ANKRD28: variants seen among roughly 807,000 people sequenced by gnomAD.
ANKRD28 encodes ankyrin repeat domain 28, also known as serine/threonine-protein phosphatase 6 regulatory ankyrin repeat subunit A.
A neutral mutation model predicts 126.5 loss-of-function variants in ANKRD28; 44 were observed. That is an observed-to-expected ratio of 0.35 (90% CI 0.27 to 0.45). The LOEUF (loss-of-function observed/expected upper bound fraction) is 0.45, where lower values mean the gene tolerates loss of function less well. Ranked by LOEUF, ANKRD28 falls within the 20% of genes least tolerant of loss-of-function variation. The probability of loss-of-function intolerance (pLI) is 1.00; values close to 1 mark genes in which losing one functional copy is unlikely to be tolerated. For synonymous variants in ANKRD28, 442 were observed against 468.5 expected, an observed-to-expected ratio of 0.94 and a Z score of 0.73; for missense variants, 1,110 against 1,316.6, an observed-to-expected ratio of 0.84 and a Z score of 2.43.
chr3:15,831,296 CT>C (rs1173918806), intron 1 of ANKRD28, among the ~76,000 whole-genome samples: 7 of 152,220 alleles, frequency 4.6e-5, no homozygotes, highest in African/African-American at 1.4e-4. Flanking sequence ...ACACAAGACA[CT>C]GTTTTGCCCA....
chr3:15,840,341 C>A (rs531412578), intron 1 of ANKRD28, among the ~76,000 whole-genome samples: 1 of 152,104 alleles, frequency 6.6e-6, no homozygotes, highest in East Asian at 1.9e-4. Context: ...AAATGAAAGA[C>A]CTCTACAATG....
At chr3:15,717,949 G>A (rs1462865375) in intron 8 of ANKRD28, among the ~76,000 whole-genome samples, 1 of 152,174 alleles carries the variant, frequency 6.6e-6, no homozygotes, top group South Asian at 2.1e-4. Context: ...AATGGAGAAT[G>A]TAGTAGGAGG....
In ANKRD28 at chr3:15,696,251, TACA is replaced by T. The variant is rs145970527; in HGVS notation, c.1548-9_1548-7del. On this transcript the variant is annotated splice_region_variant and splice_polypyrimidine_tract_variant and intron_variant, in intron 14 of 27. Transcript: ENST00000683139. ...TTAATAAGTATTCCAGGCACCTATA[TACA>T]ACAACAACAACATACTGAAAATCCT... 28,281 of 1,505,866 alleles carry T rather than the reference TACA, an allele frequency of 0.019. 350 individuals carry two copies. The highest frequency in any genetic ancestry group is 0.023 in the Non-Finnish European group (25,345 of 1,097,732). 93.3% of individuals were successfully genotyped at this position (1,505,866 alleles called of 1,614,324 possible).
intron 3 of ANKRD28, 50 bp from the exon 4 acceptor site, chr3:15,751,870 T>C: frequency 8.2e-7 from 1 of 1,212,710 alleles, no homozygotes; most frequent in Non-Finnish European, 1.2e-6. Context: ...TAAAATATTT[T>C]TAATAAATCT....
At position 15,737,187 on chromosome 3, in the gene ANKRD28, C is replaced by T. The variant is rs759510260; in HGVS notation, c.398G>A (p.Arg133Gln). ...LLKHSADVNARDKNWQTPLHI... is the reference protein window; with the variant it reads ...LLKHSADVNAQDKNWQTPLHI... ...TAAAGGGGTTTGCCAATTTTTGTCT[C>T]GAGCATTAACATCTGCAGAATGCTT... The change falls in exon 5 of 28, where the codon CGA becomes CAA. Residue 133 changes from arginine to glutamine, a missense_variant. Arg to Gln is a conservative substitution (Grantham distance 43). Coordinates refer to ENST00000683139, the MANE Select transcript of ANKRD28 (RefSeq NM_001349278.2). 13 of 1,613,800 alleles carry T rather than the reference C, an allele frequency of 8.1e-6. No homozygotes were observed. The highest frequency in any genetic ancestry group is 1.3e-5 in the African/African-American group (1 of 74,914).
Position 15,675,926 on chromosome 3 carries a change from T to G in ANKRD28, c.2937A>C (p.Gly979=). The G allele has an allele frequency of 6.2e-7, 1 of 1,613,058 alleles. No individual in the cohort carries two copies. The highest frequency in any genetic ancestry group is 8.5e-7 in the Non-Finnish European group (1 of 1,179,220). Reference sequence around the variant, plus strand: ...TTTCATCTACTGCAAGCACACTTGCTCCTTTTCCCAAAAGTTCCTGAACCA... The same window carrying G: ...TTTCATCTACTGCAAGCACACTTGCGCCTTTTCCCAAAAGTTCCTGAACCA... ...TMVVQELLGK[G]ASVLAVDENG... Residue 979 remains glycine (G), a synonymous_variant, in exon 27 of 28, where the codon GGA becomes GGC. Transcript: ENST00000683139.
At chr3:15,703,045 G>A (rs2070842071) in intron 14 of ANKRD28, among the ~76,000 whole-genome samples, 1 of 152,150 alleles carries the variant, frequency 6.6e-6, no homozygotes. Flanking sequence ...AAAAGGCAGA[G>A]CTAGTATCAA....
At chr3:15,726,418 T>C (rs1056857482) in intron 6 of ANKRD28, among the ~76,000 whole-genome samples, 3 of 152,222 alleles carry the variant, frequency 2.0e-5, no homozygotes, top group Non-Finnish European at 2.9e-5. Flanking sequence ...ACAGAGAAAG[T>C]ACTAGTGGTC....
intron 4 of ANKRD28, among the ~76,000 whole-genome samples, chr3:15,749,761 T>C (rs2057747157): frequency 6.6e-6 from 1 of 152,186 alleles, no homozygotes; most frequent in African/African-American, 2.4e-5. Context: ...GTGATTGTTT[T>C]TGCTCTTCTG....
intron 27 of ANKRD28, among the ~76,000 whole-genome samples, chr3:15,670,982 T>C (rs1204897992): frequency 6.6e-6 from 1 of 152,250 alleles, no homozygotes; most frequent in Non-Finnish European, 1.5e-5. Flanking sequence ...TTTGTAGTTA[T>C]GTAAGGAAAC....
chr3:15,772,086 G>C (rs2059041618), intron 2 of ANKRD28, among the ~76,000 whole-genome samples: 1 of 152,026 alleles, frequency 6.6e-6, no homozygotes, highest in Non-Finnish European at 1.5e-5. Context: ...TAAAGCAATA[G>C]AGAGCAATTT....
intron 1 of ANKRD28, among the ~76,000 whole-genome samples, chr3:15,852,724 T>G (rs1436768460): frequency 6.6e-6 from 1 of 150,626 alleles, no homozygotes; most frequent in Non-Finnish European, 1.5e-5. Context: ...TCCCAGCTAT[T>G]TGGGAGGCTG....
At chr3:15,695,342 T>C (rs1246571030) in intron 15 of ANKRD28, 128 bp from the exon 16 acceptor site, 3 of 663,682 alleles carry the variant, frequency 4.5e-6, no homozygotes, top group Non-Finnish European at 7.9e-6. Context: ...AAAAATTAGG[T>C]GTTTTGAATA....
chr3:15,690,811 C>T (rs935776278), intron 17 of ANKRD28, among the ~76,000 whole-genome samples: 10 of 152,144 alleles, frequency 6.6e-5, no homozygotes, highest in Admixed American at 2.0e-4. Flanking sequence ...CTCAAGTCAT[C>T]CTCCTACCTT....
chr3:15,796,951 A>G lies in ANKRD28; in HGVS notation c.-430T>C, dbSNP rs2060304302. ...AATGAAATGAGAAACAACTGCTGTG[A>G]CAGAGATGATCACAGCGATACCCAC... On this transcript the variant is annotated 5_prime_UTR_variant, in exon 1 of 28. Transcript: ENST00000683139. 7 of 985,508 alleles carry G rather than the reference A, an allele frequency of 7.1e-6. No homozygotes were observed. The highest frequency in any genetic ancestry group is 7.2e-6 in the Non-Finnish European group (6 of 830,080). The allele number at this position is 985,508 out of a possible 1,614,324, so 61.0% of individuals were successfully genotyped here. A position where few individuals can be genotyped will look rare whatever the true frequency, so the allele number is the denominator to read the frequency against.
chr3:15,709,776 T>C (rs747735327), intron 12 of ANKRD28, 40 bp from the exon 13 acceptor site: 1 of 1,356,254 alleles, frequency 7.4e-7, no homozygotes, highest in Non-Finnish European at 1.0e-6. Flanking sequence ...TAATTGACAG[T>C]GATTTTATAA....
chr3:15,790,139 A>G lies in ANKRD28; in HGVS notation c.201+5084T>C, dbSNP rs138363592. Among the ~76,000 whole-genome samples, 5 of 152,260 alleles carry G rather than the reference A, an allele frequency of 3.3e-5. No homozygotes were observed. In the East Asian group the frequency reaches 7.7e-4, roughly 23 times the overall value. On this transcript the variant is annotated intron_variant, in intron 2 of 27. Transcript: ENST00000683139. ...GAACAGACCAGTAACAAGTAATGAG[A>G]TCAAAGCTGTAATAAAAAGTCTTCT...
intron 3 of ANKRD28, among the ~76,000 whole-genome samples, chr3:15,752,743 G>T (rs1385411830): frequency 6.6e-6 from 1 of 152,040 alleles, no homozygotes; most frequent in Non-Finnish European, 1.5e-5. Context: ...CTAACGTTGG[G>T]GTCAACTATA....
At chr3:15,836,802 C>T (rs918089915) in intron 1 of ANKRD28, among the ~76,000 whole-genome samples, 1 of 152,034 alleles carries the variant, frequency 6.6e-6, no homozygotes, top group Non-Finnish European at 1.5e-5. Flanking sequence ...ACAGGCCAGG[C>T]GTGGTGGCTC....
Sources: gnomAD v4.1 joint callset for allele counts (sites outside exome capture counted in the v4.1 genomes callset) on GRCh38, gnomAD v4.1.1 for gene constraint, MANE v1.5 for transcripts, NCBI Gene and HGNC (gene_info 2026-07-23, HGNC 2026-07-21) for gene names.